The following CXCL13 variants were observed in gnomAD, a reference collection of about 807,000 sequenced individuals.
CXCL13 encodes C-X-C motif chemokine 13.
CXCL13 carries 7 observed loss-of-function variants against 12.2 expected under a neutral mutation model. The observed-to-expected ratio is 0.57, with a 90% confidence interval of 0.33 to 1.07. The LOEUF is 1.07. CXCL13 is among the 50% of genes least tolerant of loss of function. CXCL13 has a pLI of 0.04. For missense variants in CXCL13, 113 were observed against 127.4 expected, an observed-to-expected ratio of 0.89 and a Z score of 0.55; for synonymous variants, 47 against 42.4, an observed-to-expected ratio of 1.11 and a Z score of -0.42.
At chr4:77,526,241 A>T (rs2110082316) in intron 1 of CXCL13, among the ~76,000 whole-genome samples, 1 of 152,270 alleles carries the variant, frequency 6.6e-6, no homozygotes, top group South Asian at 2.1e-4. Context: ...AATATTAAAT[A>T]AACAATATCC....
At chr4:77,559,590 C>CGTGTGTGTGTGTGTGT (rs376338194) in intron 1 of CXCL13, among the ~76,000 whole-genome samples, 2 of 148,732 alleles carry the variant, frequency 1.3e-5, no homozygotes, top group East Asian at 3.9e-4. Flanking sequence ...CTAAATATGC[C>CGTGTGTGTGTGTGTGT]GTGTGTGTGT....
chr4:77,531,359 G>T (rs1408809881), intron 1 of CXCL13, among the ~76,000 whole-genome samples: 2 of 144,390 alleles, frequency 1.4e-5, no homozygotes, highest in Non-Finnish European at 3.0e-5. Flanking sequence ...CTGTGAGTGA[G>T]AACATGCGGT....
chr4:77,537,845 C>T (rs1225613157), intron 1 of CXCL13, among the ~76,000 whole-genome samples: 1 of 152,156 alleles, frequency 6.6e-6, no homozygotes, highest in East Asian at 1.9e-4. Context: ...TTGGCCAACC[C>T]AAGCATTTTC....
At chr4:77,582,855 A>G (rs1307155956) in intron 1 of CXCL13, among the ~76,000 whole-genome samples, 3 of 152,246 alleles carry the variant, frequency 2.0e-5, no homozygotes, top group African/African-American at 7.2e-5. Context: ...AGATTCCAAC[A>G]TATGTAGACA....
chr4:77,578,626 G>A (rs1029624245), intron 1 of CXCL13, among the ~76,000 whole-genome samples: 2 of 151,990 alleles, frequency 1.3e-5, no homozygotes, highest in Non-Finnish European at 1.5e-5. Context: ...TGTGAGGTGG[G>A]GGCCTGTTAG....
chr4:77,536,606 A>G lies in CXCL13; in HGVS notation c.-43+24818A>G, dbSNP rs116635817. Among the ~76,000 whole-genome samples the G allele has an allele frequency of 6.5e-3, 991 of 152,328 alleles. 19 individuals carry two copies. Among genetic ancestry groups the G allele is most frequent in the East Asian group, 0.026 (136 of 5,178 alleles). On this transcript the variant is annotated intron_variant, in intron 1 of 4. Transcript: ENST00000286758. ...GATCAAATTAGTTAATAAAGATAAA[A>G]CATTTAGCATGGTGCTGGGTAAGAG...
intron 1 of CXCL13, among the ~76,000 whole-genome samples, chr4:77,569,846 G>A (rs551773120): frequency 6.6e-6 from 1 of 152,276 alleles, no homozygotes; most frequent in Admixed American, 6.5e-5. Flanking sequence ...AAAAAACCTG[G>A]AGGCATCATG....
chr4:77,588,939 C>A (rs1026475589), intron 1 of CXCL13, among the ~76,000 whole-genome samples: 10 of 152,174 alleles, frequency 6.6e-5, no homozygotes, highest in African/African-American at 2.4e-4. Flanking sequence ...ATGAAAATTA[C>A]CCCCATGGTT....
intron 1 of CXCL13, among the ~76,000 whole-genome samples, chr4:77,537,025 G>C (rs1725074507): frequency 6.6e-6 from 1 of 152,046 alleles, no homozygotes; most frequent in Non-Finnish European, 1.5e-5. Flanking sequence ...CCAAGACAAT[G>C]GTTCTATAAA....
intron 1 of CXCL13, among the ~76,000 whole-genome samples, chr4:77,549,563 T>C (rs945942875): frequency 6.6e-6 from 1 of 152,250 alleles, no homozygotes; most frequent in African/African-American, 2.4e-5. Context: ...TTCCTTTCTG[T>C]TTGTTAGTTT....
At chr4:77,534,066 A>G (rs1724997136) in intron 1 of CXCL13, among the ~76,000 whole-genome samples, 1 of 152,276 alleles carries the variant, frequency 6.6e-6, no homozygotes, top group South Asian at 2.1e-4. Context: ...GACACTCCCC[A>G]GTGAGATGAA....
At chr4:77,609,306 TTTTTG>T (rs1553918642) in intron 2 of CXCL13, among the ~76,000 whole-genome samples, 101 of 151,170 alleles carry the variant, frequency 6.7e-4, no homozygotes, top group African/African-American at 2.5e-3. Flanking sequence ...TTGGGTTTTT[TTTTTG>T]TTTTGTTTTG....
intron 1 of CXCL13, among the ~76,000 whole-genome samples, chr4:77,527,672 C>G (rs1724801498): frequency 6.6e-6 from 1 of 151,990 alleles, no homozygotes; most frequent in South Asian, 2.1e-4. Context: ...ATGATAGACA[C>G]TTGAATGAAT....
chr4:77,556,489 G>A (rs1176301288), intron 1 of CXCL13, among the ~76,000 whole-genome samples: 1 of 152,118 alleles, frequency 6.6e-6, no homozygotes, highest in African/African-American at 2.4e-5. Context: ...GAACTTTTCA[G>A]GATAATGGAA....
Position 77,527,215 on chromosome 4 carries a change from C to G in CXCL13, c.-43+15427C>G, listed in dbSNP as rs553343004. Among the ~76,000 whole-genome samples the G allele has an allele frequency of 2.0e-5, 3 of 152,184 alleles. 1 individual carries two copies. In the South Asian group the frequency reaches 6.2e-4, roughly 32 times the overall value. On this transcript the variant is annotated intron_variant, in intron 1 of 4. Transcript: ENST00000286758. ...ATGTAGCACTGTACACCGATTGGAACAGCTTAAATTAAAAAATGCTGATGA... is the reference window on the plus strand; with the variant it reads ...ATGTAGCACTGTACACCGATTGGAAGAGCTTAAATTAAAAAATGCTGATGA...
chr4:77,539,352 C>G (rs767031300), intron 1 of CXCL13, among the ~76,000 whole-genome samples: 26 of 152,312 alleles, frequency 1.7e-4, no homozygotes, highest in Admixed American at 7.8e-4. Flanking sequence ...GTCTCAAACT[C>G]CTGACCTCAA....
intron 1 of CXCL13, among the ~76,000 whole-genome samples, chr4:77,529,367 G>A (rs1006104315): frequency 6.6e-6 from 1 of 152,110 alleles, no homozygotes; most frequent in Non-Finnish European, 1.5e-5. Flanking sequence ...AATTACCTTG[G>A]GCAGAATGGC....
chr4:77,525,827 T>G (rs1724749071), intron 1 of CXCL13, among the ~76,000 whole-genome samples: 1 of 152,152 alleles, frequency 6.6e-6, no homozygotes, highest in Admixed American at 6.6e-5. Context: ...GCCATGATGG[T>G]GTGAATTCCA....
intron 1 of CXCL13, among the ~76,000 whole-genome samples, chr4:77,546,411 A>C (rs1184694653): frequency 6.6e-6 from 1 of 151,978 alleles, no homozygotes; most frequent in African/African-American, 2.4e-5. Flanking sequence ...ATTAATTATC[A>C]CCTCAATTTC....
Sources: allele counts gnomAD v4.1 joint callset (sites outside exome capture counted in the v4.1 genomes callset), GRCh38; gene constraint gnomAD v4.1.1; transcripts MANE v1.5; gene names NCBI Gene and HGNC (gene_info 2026-07-23, HGNC 2026-07-21).